Variants in CHN2 observed in about 807,000 individuals in gnomAD.
CHN2 encodes the protein beta-chimaerin.
In CHN2, 35 loss-of-function variants were observed where a neutral mutation model predicts 56.3. That is an observed-to-expected ratio of 0.62 (90% CI 0.47 to 0.82). The LOEUF (loss-of-function observed/expected upper bound fraction) is 0.82, where lower values mean the gene tolerates loss of function less well. Among genes scored for constraint, CHN2 ranks in the 40% least tolerant of loss-of-function variants. The pLI, the probability that CHN2 is intolerant of heterozygous loss-of-function variation, is 0.00. For missense variants in CHN2, 491 were observed against 580.5 expected (o/e 0.85, Z 1.58); for synonymous variants, 210 against 212.8 (o/e 0.99, Z 0.12).
rs1173270890 is a variant in CHN2 at position 29,146,646 on chromosome 7, C to T, written c.63C>T (p.Thr21=). 26 of 1,550,474 alleles carry T rather than the reference C, an allele frequency of 1.7e-5. No individual in the cohort carries two copies. Among genetic ancestry groups the T allele is most frequent in the Non-Finnish European group, 2.2e-5 (25 of 1,147,010 alleles). Residue 21 remains threonine, a synonymous_variant, in exon 1 of 7, where the codon ACC becomes ACT. Coordinates refer to the CHN2 transcript ENST00000439384. ...GTCCCAACCTCCTGGTCCCAGAAAC[C>T]TGGCCGCATCAAGTCAGCGCTTCCC...
chr7:29,310,077 T>C (rs1585027157), intron 1 of CHN2, among the ~76,000 whole-genome samples: 1 of 152,124 alleles, frequency 6.6e-6, no homozygotes, highest in Non-Finnish European at 1.5e-5. Context: ...TTGTGAAGAG[T>C]ACAATAAACT....
intron 1 of CHN2, among the ~76,000 whole-genome samples, chr7:29,230,881 C>T (rs1786641370): frequency 6.6e-6 from 1 of 152,044 alleles, no homozygotes; most frequent in South Asian, 2.1e-4. Context: ...ACACATTGTA[C>T]TCTAATATTT....
At chr7:29,183,452 C>A (rs1044077130) in intron 2 of CHN2, among the ~76,000 whole-genome samples, 4 of 151,380 alleles carry the variant, frequency 2.6e-5, no homozygotes, top group Admixed American at 2.6e-4. Context: ...TCTCGGCTCA[C>A]TGCAACTTTT....
upstream of CHN2, chr7:29,193,674 G>A (rs1397386416): frequency 2.0e-5 from 3 of 152,154 alleles, no homozygotes; most frequent in Non-Finnish European, 4.4e-5. Context: ...TTAAATACAG[G>A]GGGAAGGGAC....
chr7:29,321,817 G>A (rs1047857598), intron 1 of CHN2, among the ~76,000 whole-genome samples: 3 of 151,920 alleles, frequency 2.0e-5, no homozygotes, highest in South Asian at 2.1e-4. Flanking sequence ...TGATCTGCCC[G>A]CCTCAGCCTC....
At chr7:29,210,404 ACACACACAGG>A (rs1388748896) in intron 1 of CHN2, among the ~76,000 whole-genome samples, 11 of 151,976 alleles carry the variant, frequency 7.2e-5, no homozygotes, top group Admixed American at 1.3e-4. Flanking sequence ...CCCAGCACGT[ACACACACAGG>A]CACACACACA....
At chr7:29,258,144 G>A (rs1376350922) in intron 1 of CHN2, among the ~76,000 whole-genome samples, 2 of 151,980 alleles carry the variant, frequency 1.3e-5, no homozygotes, top group East Asian at 3.9e-4. Context: ...CAGATTTTTG[G>A]TGGTCCCTAT....
intron 1 of CHN2, among the ~76,000 whole-genome samples, chr7:29,310,005 A>G (rs1034421003): frequency 3.3e-5 from 5 of 152,166 alleles, no homozygotes; most frequent in Non-Finnish European, 7.3e-5. Flanking sequence ...TCTGTCTCTC[A>G]TGGGGCAGGC....
intron 1 of CHN2, among the ~76,000 whole-genome samples, chr7:29,204,079 G>C (rs1025618528): frequency 7.1e-4 from 104 of 147,270 alleles, no homozygotes; most frequent in African/African-American, 2.5e-3. Context: ...GTGTGTGTGT[G>C]TGTGTGTGTG....
intron 6 of CHN2, among the ~76,000 whole-genome samples, chr7:29,408,551 T>G (rs1802876616): frequency 6.6e-6 from 1 of 152,224 alleles, no homozygotes; most frequent in Non-Finnish European, 1.5e-5. Flanking sequence ...TTAACTCTGG[T>G]GGCTACAGTT....
intron 1 of CHN2, among the ~76,000 whole-genome samples, chr7:29,241,430 C>A (rs1202489592): frequency 6.6e-6 from 1 of 152,056 alleles, no homozygotes; most frequent in African/African-American, 2.4e-5. Flanking sequence ...GCAAACTGTG[C>A]AAACTTCTCA....
At chr7:29,169,880 G>GTGTGTGTATA (rs148266761) in intron 2 of CHN2, among the ~76,000 whole-genome samples, 9 of 150,044 alleles carry the variant, frequency 6.0e-5, no homozygotes, top group Admixed American at 5.3e-4. Flanking sequence ...GTGTGTGTGT[G>GTGTGTGTATA]TATATATATA....
At chr7:29,391,291 G>A (rs57559671) in intron 3 of CHN2, among the ~76,000 whole-genome samples, 6,850 of 142,826 alleles carry the variant, frequency 0.048, 553 homozygotes, top group African/African-American at 0.16. Context: ...GAGTGGGGAA[G>A]AGAGGGAGAA....
intron 1 of CHN2, among the ~76,000 whole-genome samples, chr7:29,197,765 G>A (rs1421381517): frequency 2.0e-5 from 3 of 152,168 alleles, no homozygotes; most frequent in Non-Finnish European, 2.9e-5. Context: ...TCCAGCAGCC[G>A]AGACAAACAT....
intron 2 of CHN2, among the ~76,000 whole-genome samples, chr7:29,160,334 C>T (rs1021540398): frequency 6.6e-6 from 1 of 152,164 alleles, no homozygotes; most frequent in East Asian, 1.9e-4. Context: ...GATGTTCTCC[C>T]ATCAATTTTC....
At chr7:29,195,065 G>A (rs1240887885) in intron 1 of CHN2, 75 bp downstream of exon 1, 3 of 1,475,996 alleles carry the variant, frequency 2.0e-6, no homozygotes, top group African/African-American at 1.4e-5. Flanking sequence ...GCCTGGGATG[G>A]ACAGAGCCTA....
Position 29,351,591 on chromosome 7 carries a change from T to TGA in CHN2, c.50-3032_50-3031dup, listed in dbSNP as rs1247524676. 5.3e-5 allele frequency among the ~76,000 whole-genome samples: 8 copies of TGA among 152,336 alleles called. No individual in the cohort carries two copies. In the East Asian group the frequency reaches 1.5e-3, roughly 29 times the overall value. Reference sequence around the variant, plus strand: ...GAGCCCCTGAGTGATGACATCAAGCTGAGCCCTATGCGATGGAGCCAGTGA... The same window carrying TGA: ...GAGCCCCTGAGTGATGACATCAAGCTGAGAGCCCTATGCGATGGAGCCAGTGA... On this transcript the variant is annotated intron_variant, in intron 1 of 12. Transcript: ENST00000222792.
At chr7:29,362,220 C>T (rs1798790044) in intron 2 of CHN2, among the ~76,000 whole-genome samples, 1 of 152,198 alleles carries the variant, frequency 6.6e-6, no homozygotes, top group Admixed American at 6.5e-5. Context: ...CTGAAAACTA[C>T]AGCCTTTGGG....
chr7:29,473,390 C>T (rs12536814), intron 6 of CHN2, among the ~76,000 whole-genome samples: 10,471 of 151,702 alleles, frequency 0.069, 444 homozygotes, highest in East Asian at 0.23. Flanking sequence ...TTTTACAGCC[C>T]AGCCCCCATC....
Sources: gnomAD v4.1 joint callset for allele counts (sites outside exome capture counted in the v4.1 genomes callset) on GRCh38, gnomAD v4.1.1 for gene constraint, MANE v1.5 for transcripts, NCBI Gene and HGNC (gene_info 2026-07-23, HGNC 2026-07-21) for gene names.